Variants in WWOX observed in about 807,000 individuals in gnomAD.
WWOX encodes the protein WW domain containing oxidoreductase.
WWOX carries 69 observed loss-of-function variants against 46.2 expected under a neutral mutation model. The observed-to-expected ratio is 1.49, with a 90% CI of 1.23 to 1.82. WWOX has a LOEUF of 1.82. Among genes scored for constraint, WWOX ranks in the 40% most tolerant of loss-of-function variants. WWOX has a pLI of 0.00. For missense variants in WWOX, 919 were observed against 542.6 expected, an observed-to-expected ratio of 1.69 and a Z score of -6.89; for synonymous variants, 359 against 202.6, an observed-to-expected ratio of 1.77 and a Z score of -6.56.
At chr16:79,040,763 T>G (rs2047955784) in intron 8 of WWOX, among the ~76,000 whole-genome samples, 1 of 152,060 alleles carries the variant, frequency 6.6e-6, no homozygotes, top group Non-Finnish European at 1.5e-5. Flanking sequence ...CCAGGGAACC[T>G]GACACTCTTA....
intron 8 of WWOX, among the ~76,000 whole-genome samples, chr16:78,960,864 A>T (rs1204517436): frequency 6.6e-6 from 1 of 152,198 alleles, no homozygotes; most frequent in Non-Finnish European, 1.5e-5. Flanking sequence ...TACTGTATAC[A>T]TACATAGCTC....
intron 8 of WWOX, among the ~76,000 whole-genome samples, chr16:78,610,508 T>A (rs2045875760): frequency 6.6e-6 from 1 of 152,270 alleles, no homozygotes; most frequent in South Asian, 2.1e-4. Context: ...AGCTATAGTG[T>A]TGGGGTGGGA....
At chr16:78,711,504 A>G (rs77818823) in intron 8 of WWOX, among the ~76,000 whole-genome samples, 1,832 of 152,300 alleles carry the variant, frequency 0.012, 38 homozygotes, top group African/African-American at 0.042. Context: ...TTTAGAGCAT[A>G]CAGCTGTTCT....
intron 8 of WWOX, among the ~76,000 whole-genome samples, chr16:78,720,915 C>T (rs574856115): frequency 6.6e-6 from 1 of 152,246 alleles, no homozygotes; most frequent in African/African-American, 2.4e-5. Flanking sequence ...CCTCCCCCAT[C>T]CTCAGGATGA....
intron 8 of WWOX, among the ~76,000 whole-genome samples, chr16:78,537,443 T>G (rs746926069): frequency 7.2e-5 from 11 of 152,214 alleles, no homozygotes; most frequent in Non-Finnish European, 1.5e-4. Flanking sequence ...TTGAGCCCAT[T>G]AATGTGATAC....
chr16:78,958,601 C>G (rs1255815079), intron 8 of WWOX, among the ~76,000 whole-genome samples: 4 of 152,226 alleles, frequency 2.6e-5, no homozygotes, highest in Non-Finnish European at 4.4e-5. Flanking sequence ...CTGCCCCTCT[C>G]TCCCACTAGA....
chr16:78,741,394 C>T lies in WWOX; in HGVS notation c.1056+308642C>T, dbSNP rs1355390196. ...GGGCCAACCTGGTGAGATCCCATCT[C>T]TACTAATAATACAAAAAATAGCTGG... On this transcript the variant is annotated intron_variant, in intron 8 of 8. Transcript: ENST00000566780. Among the ~76,000 whole-genome samples the T allele has an allele frequency of 3.3e-5, 5 of 151,862 alleles. 1 individual carries two copies. Among genetic ancestry groups the T allele is most frequent in the African/African-American group, 9.7e-5 (4 of 41,320 alleles).
intron 8 of WWOX, among the ~76,000 whole-genome samples, chr16:78,968,698 T>C (rs893002973): frequency 3.3e-5 from 5 of 152,218 alleles, no homozygotes; most frequent in Non-Finnish European, 5.9e-5. Context: ...CTTTTCTTTC[T>C]TCTTCCTCTT....
intron 5 of WWOX, among the ~76,000 whole-genome samples, chr16:78,222,732 A>G (rs1186849147): frequency 2.0e-5 from 3 of 152,356 alleles, no homozygotes; most frequent in South Asian, 2.1e-4. Context: ...GCGTTTCTCC[A>G]TGGTGAATTT....
Position 79,140,468 on chromosome 16 carries a change from G to A in WWOX, c.1057-71140G>A, listed in dbSNP as rs113856663. Reference sequence around the variant, plus strand: ...CCTACCATACAGCACTGACACCTGAGAAGTCCAGTCCTTTTGGAGTTCAGT... The same window carrying A: ...CCTACCATACAGCACTGACACCTGAAAAGTCCAGTCCTTTTGGAGTTCAGT... On this transcript the variant is annotated intron_variant, in intron 8 of 8. Coordinates refer to ENST00000566780, the MANE Select transcript of WWOX (RefSeq NM_016373.4). Among the ~76,000 whole-genome samples, 916 of 152,300 alleles carry A rather than the reference G, an allele frequency of 6.0e-3. 8 individuals are homozygous for A. The highest frequency in any genetic ancestry group is 0.021 in the African/African-American group (859 of 41,566).
chr16:78,420,031 T>C (rs1373549113), intron 6 of WWOX, among the ~76,000 whole-genome samples: 1 of 152,166 alleles, frequency 6.6e-6, no homozygotes, highest in Non-Finnish European at 1.5e-5. Context: ...ATAAAAGATG[T>C]TCAATCTCAT....
intron 8 of WWOX, among the ~76,000 whole-genome samples, chr16:78,900,595 C>T (rs2044806506): frequency 6.6e-6 from 1 of 152,090 alleles, no homozygotes; most frequent in Non-Finnish European, 1.5e-5. Context: ...AGTACACAAA[C>T]CACAAAGTCA....
At chr16:78,500,526 A>G (rs917187279) in intron 8 of WWOX, among the ~76,000 whole-genome samples, 2 of 151,970 alleles carry the variant, frequency 1.3e-5, no homozygotes, top group South Asian at 2.1e-4. Context: ...ATGAGAAGCC[A>G]TAGCAAGATG....
intron 6 of WWOX, among the ~76,000 whole-genome samples, chr16:78,423,829 G>C (rs544271848): frequency 7.0e-6 from 1 of 142,316 alleles, no homozygotes; most frequent in African/African-American, 2.6e-5. Flanking sequence ...CTGGATGACA[G>C]AGAAAGATCT....
At chr16:78,388,967 C>G (rs1023432409) in intron 6 of WWOX, among the ~76,000 whole-genome samples, 26 of 104,138 alleles carry the variant, frequency 2.5e-4, no homozygotes, top group African/African-American at 6.6e-4. Context: ...AAAACTCTGT[C>G]TCAAAAAAAA....
At chr16:79,045,836 C>G (rs1157365928) in intron 8 of WWOX, among the ~76,000 whole-genome samples, 5 of 101,042 alleles carry the variant, frequency 4.9e-5, no homozygotes, top group Admixed American at 4.9e-4. Flanking sequence ...GAGTCTCACT[C>G]TGTTGCCCAG....
At position 79,139,944 on chromosome 16, in the gene WWOX, A is replaced by G. The variant is rs562002194; in HGVS notation, c.1057-71664A>G. Among the ~76,000 whole-genome samples, 66 of 152,338 alleles carry G rather than the reference A, an allele frequency of 4.3e-4. 1 individual carries two copies. The highest frequency in any genetic ancestry group is 8.1e-4 in the Non-Finnish European group (55 of 68,036). On this transcript the variant is annotated intron_variant, in intron 8 of 8. Transcript: ENST00000566780. ...TGTAATTCTCCAAATACGGACTTGT[A>G]CATTTCTGATCATTTTAGCACCAAC...
At chr16:78,914,880 G>GGAA (rs548808446) in intron 8 of WWOX, among the ~76,000 whole-genome samples, 2 of 69,396 alleles carry the variant, frequency 2.9e-5, no homozygotes, top group African/African-American at 1.2e-4. Flanking sequence ...CTCCGCCTCA[G>GGAA]AAAAAAAAAA....
At chr16:78,548,169 A>AG (rs1213752040) in intron 8 of WWOX, among the ~76,000 whole-genome samples, 17 of 73,534 alleles carry the variant, frequency 2.3e-4, no homozygotes, top group African/African-American at 5.7e-4. Flanking sequence ...AAAAAAAAAA[A>AG]AAAAAAAAAT....
Sources: gnomAD v4.1 joint callset for allele counts (sites outside exome capture counted in the v4.1 genomes callset) on GRCh38, gnomAD v4.1.1 for gene constraint, MANE v1.5 for transcripts, NCBI Gene and HGNC (gene_info 2026-07-23, HGNC 2026-07-21) for gene names.